Variants in PRKN observed in about 807,000 individuals in gnomAD.
PRKN encodes the protein E3 ubiquitin-protein ligase parkin.
In PRKN, 56 loss-of-function variants were observed where a neutral mutation model predicts 59.5. The observed-to-expected ratio is 0.94, with a 90% CI of 0.76 to 1.18. The LOEUF is 1.18. Among genes scored for constraint, PRKN ranks in the 50% most tolerant of loss-of-function variants. PRKN has a pLI of 0.00. For synonymous variants in PRKN, 250 were observed against 222.1 expected (o/e 1.13, Z -1.12); for missense variants, 657 against 596.4 (o/e 1.10, Z -1.06).
chr6:162,238,119 T>C (rs1583247422), intron 3 of PRKN, among the ~76,000 whole-genome samples: 1 of 152,244 alleles, frequency 6.6e-6, no homozygotes, highest in African/African-American at 2.4e-5. Flanking sequence ...ATGTGTTTGG[T>C]ATTTTAAATC....
intron 9 of PRKN, among the ~76,000 whole-genome samples, chr6:161,539,192 T>G (rs979983977): frequency 5.3e-5 from 8 of 152,256 alleles, no homozygotes; most frequent in African/African-American, 1.4e-4. Flanking sequence ...TTTAAACTAT[T>G]TAAACATTTT....
At position 161,552,915 on chromosome 6, in the gene PRKN, C is replaced by T. The variant is rs1036908117; in HGVS notation, c.934-3912G>A. Among the ~76,000 whole-genome samples the T allele has an allele frequency of 5.3e-5, 8 of 151,980 alleles. No individual in the cohort carries two copies. In the South Asian group the frequency reaches 6.3e-4, roughly 12 times the overall value. ...AAGCGATTCTCCTGCCTCAGCCTCC[C>T]GAGTAGCTGGGACTACAGGTGTGTA... On this transcript the variant is annotated intron_variant, in intron 8 of 11. Coordinates refer to ENST00000366898, the MANE Select transcript of PRKN (RefSeq NM_004562.3). This position sits in a 1 kb window ranked among gnomAD's most constrained non-coding sequence, Gnocchi z 4.9.
intron 6 of PRKN, among the ~76,000 whole-genome samples, chr6:161,805,047 G>A (rs573849061): frequency 6.6e-5 from 10 of 152,250 alleles, no homozygotes; most frequent in Non-Finnish European, 1.5e-4. Context: ...CTAGGTTATC[G>A]TATGGCCACT....
At chr6:161,799,084 G>C (rs992126097) in intron 6 of PRKN, among the ~76,000 whole-genome samples, 13 of 152,144 alleles carry the variant, frequency 8.5e-5, no homozygotes, top group Non-Finnish European at 1.9e-4. Context: ...TATTACTCGT[G>C]GCTGCTTTTG....
chr6:161,590,326 G>A (rs1437720909), intron 7 of PRKN, among the ~76,000 whole-genome samples: 2 of 152,022 alleles, frequency 1.3e-5, no homozygotes, highest in Admixed American at 6.6e-5. Flanking sequence ...GGTTGGGTAC[G>A]GTGGATCACG....
intron 2 of PRKN, among the ~76,000 whole-genome samples, chr6:162,273,273 T>A (rs1780475045): frequency 6.6e-6 from 1 of 152,106 alleles, no homozygotes; most frequent in South Asian, 2.1e-4. Flanking sequence ...GGGAGCCATG[T>A]TTCCCTAACG....
In PRKN at chr6:161,373,267, C is replaced by T. The variant is rs151101946; in HGVS notation, c.1168-13062G>A. ...CACGTCTACAAAAATACCTTCACAG[C>T]GACACCTTGACTACTGCTGGTTCCA... is the stretch of plus-strand genomic sequence containing the variant. On this transcript the variant is annotated intron_variant, in intron 10 of 11. Transcript: ENST00000366898. This position sits in a 1 kb window ranked among gnomAD's most constrained non-coding sequence, Gnocchi z 4.8. Among the ~76,000 whole-genome samples the T allele has an allele frequency of 1.5e-3, 234 of 152,256 alleles. No homozygotes were observed. Among genetic ancestry groups the T allele is most frequent in the Middle Eastern group, 0.01 (3 of 294 alleles).
At chr6:162,717,485 G>A (rs914893669) in intron 1 of PRKN, among the ~76,000 whole-genome samples, 10 of 150,546 alleles carry the variant, frequency 6.6e-5, no homozygotes, top group Admixed American at 6.0e-4. Context: ...TCGGGAAGTT[G>A]AGCCCAGGAA....
In PRKN at chr6:162,211,900, C is replaced by T. The variant is rs572335535; in HGVS notation, c.413-10648G>A. 3.9e-5 allele frequency among the ~76,000 whole-genome samples: 6 copies of T among 152,234 alleles called. No homozygotes were observed. The South Asian group carries it at 1.2e-3, about 32-fold the overall frequency. On this transcript the variant is annotated intron_variant, in intron 3 of 11. Coordinates refer to ENST00000366898, the MANE Select transcript of PRKN (RefSeq NM_004562.3). ...TACTACCTCTTAAAAGAGGAGAAGA[C>T]ATATTTTTCTCTAGTAACATACTGA...
chr6:161,537,901 C>A (rs1321694842), intron 9 of PRKN, among the ~76,000 whole-genome samples: 2 of 152,196 alleles, frequency 1.3e-5, no homozygotes, highest in Non-Finnish European at 2.9e-5. Context: ...CAAATTACAG[C>A]CCTGCCAGTT....
intron 7 of PRKN, among the ~76,000 whole-genome samples, chr6:161,647,935 C>T (rs552353701): frequency 1.4e-4 from 22 of 152,236 alleles, no homozygotes; most frequent in African/African-American, 3.6e-4. Flanking sequence ...AAATTTAGTA[C>T]GGTATGAGAT....
At chr6:161,536,407 C>A (rs1316196296) in intron 9 of PRKN, among the ~76,000 whole-genome samples, 1 of 151,206 alleles carries the variant, frequency 6.6e-6, no homozygotes, top group African/African-American at 2.4e-5. Context: ...ATTTCCCAAA[C>A]TGGTCCACAC....
At chr6:161,904,745 CAG>C (rs1778080298) in intron 6 of PRKN, among the ~76,000 whole-genome samples, 1 of 152,100 alleles carries the variant, frequency 6.6e-6, no homozygotes, top group Non-Finnish European at 1.5e-5. Flanking sequence ...TCTTGGGAAA[CAG>C]GGACTGGGGA....
At chr6:161,824,508 C>A (rs937620086) in intron 6 of PRKN, among the ~76,000 whole-genome samples, 2 of 152,096 alleles carry the variant, frequency 1.3e-5, no homozygotes, top group South Asian at 2.1e-4. Context: ...GTGAATATGG[C>A]AGTTATGAAG....
At chr6:162,237,276 G>T (rs1778776183) in intron 3 of PRKN, among the ~76,000 whole-genome samples, 2 of 152,090 alleles carry the variant, frequency 1.3e-5, no homozygotes, top group African/African-American at 4.8e-5. Context: ...AATCATGAAA[G>T]AAATTTATGC....
chr6:162,203,530 G>C (rs930989067), intron 3 of PRKN, among the ~76,000 whole-genome samples: 1 of 152,120 alleles, frequency 6.6e-6, no homozygotes, highest in Admixed American at 6.5e-5. Context: ...TTAAAAGTTG[G>C]CAAGGTTTTC....
chr6:162,595,930 C>T (rs183762123), intron 1 of PRKN, among the ~76,000 whole-genome samples: 2 of 152,034 alleles, frequency 1.3e-5, no homozygotes, highest in African/African-American at 4.8e-5. Context: ...TCAAGTTGTA[C>T]AATGTATACT....
intron 6 of PRKN, among the ~76,000 whole-genome samples, chr6:161,855,906 T>A (rs1793631457): frequency 6.6e-6 from 1 of 152,186 alleles, no homozygotes; most frequent in Admixed American, 6.5e-5. Flanking sequence ...GCAGGGTTCA[T>A]CCCAAGGATT....
intron 4 of PRKN, among the ~76,000 whole-genome samples, chr6:162,174,501 A>G (rs1402153569): frequency 1.3e-5 from 2 of 152,080 alleles, no homozygotes; most frequent in East Asian, 1.9e-4. Context: ...CTATTTCTAT[A>G]TATCTTAACT....
Sources: gnomAD v4.1 joint callset for allele counts (sites outside exome capture counted in the v4.1 genomes callset) on GRCh38, gnomAD v4.1.1 for gene constraint, Gnocchi (gnomAD v3.1) non-coding constraint, MANE v1.5 for transcripts, NCBI Gene and HGNC (gene_info 2026-07-23, HGNC 2026-07-21) for gene names.